The following GRM7 variants were observed in gnomAD, a reference collection of about 807,000 sequenced individuals.
GRM7 encodes glutamate metabotropic receptor 7.
Under a neutral mutation model 84.5 loss-of-function variants are expected in GRM7, and 35 were observed. The ratio of observed to expected loss-of-function variants is 0.41; its 90% confidence interval spans 0.32 to 0.55. GRM7 has a LOEUF of 0.55. Ranked by LOEUF, GRM7 falls within the 20% of genes least tolerant of loss-of-function variation. GRM7 has a pLI of 0.19. For missense variants in GRM7, 1,003 were observed against 1,194.6 expected, an observed-to-expected ratio of 0.84 and a Z score of 2.36; for synonymous variants, 487 against 455.1, an observed-to-expected ratio of 1.07 and a Z score of -0.89.
At chr3:7,512,450 G>A (rs1216119078) in intron 7 of GRM7, among the ~76,000 whole-genome samples, 1 of 152,198 alleles carries the variant, frequency 6.6e-6, no homozygotes, top group Non-Finnish European at 1.5e-5. Flanking sequence ...TGGGTAAAGA[G>A]AATGAGCCCC....
intron 4 of GRM7, among the ~76,000 whole-genome samples, chr3:7,414,028 AACTT>A: frequency 6.6e-6 from 1 of 152,240 alleles, no homozygotes; most frequent in East Asian, 1.9e-4. Flanking sequence ...CTTCATTTTT[AACTT>A]TAGAGTATGG....
chr3:7,133,108 T>C (rs571465736), intron 1 of GRM7, among the ~76,000 whole-genome samples: 156 of 152,284 alleles, frequency 1.0e-3, no homozygotes, highest in African/African-American at 3.6e-3. Context: ...TGTGTTGTCA[T>C]TGTGCATTCT....
intron 7 of GRM7, among the ~76,000 whole-genome samples, chr3:7,488,520 T>C (rs919599529): frequency 1.5e-4 from 23 of 152,194 alleles, no homozygotes; most frequent in African/African-American, 5.3e-4. Flanking sequence ...ACTGAATTCA[T>C]TTCTGCAGAG....
chr3:7,381,939 G>A (rs897228009), intron 4 of GRM7, among the ~76,000 whole-genome samples: 3 of 152,060 alleles, frequency 2.0e-5, no homozygotes, highest in Middle Eastern at 3.2e-3. Flanking sequence ...TTTTATGTGT[G>A]TGCATTTATT....
At chr3:7,100,136 A>G (rs958344242) in intron 1 of GRM7, among the ~76,000 whole-genome samples, 11 of 151,440 alleles carry the variant, frequency 7.3e-5, no homozygotes, top group Admixed American at 1.3e-4. Context: ...TGAAAGTGCA[A>G]TAGAAAAATG....
At chr3:7,697,633 G>T (rs1451617870) in intron 9 of GRM7, among the ~76,000 whole-genome samples, 1 of 152,156 alleles carries the variant, frequency 6.6e-6, no homozygotes, top group Admixed American at 6.5e-5. Flanking sequence ...GCAGTGAGTC[G>T]CCACTTGTCA....
At chr3:6,897,566 T>A (rs1696230055) in intron 1 of GRM7, among the ~76,000 whole-genome samples, 1 of 152,154 alleles carries the variant, frequency 6.6e-6, no homozygotes, top group African/African-American at 2.4e-5. Flanking sequence ...ATAATTACAT[T>A]AGATTAGTGC....
chr3:7,361,808 C>T (rs1226293489), intron 4 of GRM7, among the ~76,000 whole-genome samples: 2 of 152,110 alleles, frequency 1.3e-5, no homozygotes, highest in Admixed American at 1.3e-4. Context: ...GCTGCTGATG[C>T]ATTCCTGGCC....
At chr3:7,305,330 C>CTTTTT (rs796779715) in intron 3 of GRM7, among the ~76,000 whole-genome samples, 1 of 86,926 alleles carries the variant, frequency 1.2e-5, no homozygotes, top group African/African-American at 4.2e-5. Flanking sequence ...TATGCTGCTG[C>CTTTTT]TTTTTTTTTT....
chr3:7,372,354 T>A lies in GRM7; in HGVS notation c.1034-42669T>A, dbSNP rs528370813. ...AGTATCCATTTTGTGTCCTCAGTTG[T>A]GTACAATCTTATAACACTGAGCAAA... On this transcript the variant is annotated intron_variant, in intron 4 of 9. Transcript: ENST00000357716. Among the ~76,000 whole-genome samples the A allele has an allele frequency of 2.0e-5, 3 of 152,308 alleles. No individual in the cohort carries two copies. In the South Asian group the frequency reaches 6.2e-4, roughly 32 times the overall value.
At chr3:7,074,996 C>G (rs1698012805) in intron 1 of GRM7, among the ~76,000 whole-genome samples, 1 of 152,184 alleles carries the variant, frequency 6.6e-6, no homozygotes, top group Admixed American at 6.5e-5. Flanking sequence ...GTCTGAGGAA[C>G]AGTACTGAAG....
intron 2 of GRM7, among the ~76,000 whole-genome samples, chr3:7,261,543 A>G (rs1016304133): frequency 6.6e-6 from 1 of 152,106 alleles, no homozygotes; most frequent in African/African-American, 2.4e-5. Flanking sequence ...TTGCTTCCTT[A>G]TTCAGCTTGC....
intron 7 of GRM7, among the ~76,000 whole-genome samples, chr3:7,567,402 A>T (rs1390282372): frequency 6.6e-6 from 1 of 152,164 alleles, no homozygotes; most frequent in Admixed American, 6.5e-5. Context: ...CATAGAAAGT[A>T]AGATGTGTAT....
chr3:7,068,924 A>G (rs1697765321), intron 1 of GRM7, among the ~76,000 whole-genome samples: 1 of 151,796 alleles, frequency 6.6e-6, no homozygotes, highest in Admixed American at 6.6e-5. Context: ...TTATGTAACT[A>G]TTTCTTTACT....
At chr3:6,933,841 C>T (rs757240921) in intron 1 of GRM7, among the ~76,000 whole-genome samples, 4 of 151,818 alleles carry the variant, frequency 2.6e-5, no homozygotes, top group African/African-American at 9.7e-5. Flanking sequence ...AAAGAATAAA[C>T]CAGAATAGTA....
intron 1 of GRM7, among the ~76,000 whole-genome samples, chr3:7,101,850 T>C (rs1319106596): frequency 1.3e-5 from 2 of 149,182 alleles, no homozygotes; most frequent in South Asian, 2.1e-4. Context: ...TATGTATATA[T>C]ACACATTTTA....
At chr3:7,156,578 T>C (rs1381885424) in intron 2 of GRM7, among the ~76,000 whole-genome samples, 1 of 152,142 alleles carries the variant, frequency 6.6e-6, no homozygotes, top group African/African-American at 2.4e-5. Flanking sequence ...GGAGAACGCA[T>C]CCCCATATCT....
chr3:7,208,690 A>T (rs939812310), intron 2 of GRM7, among the ~76,000 whole-genome samples: 20 of 152,112 alleles, frequency 1.3e-4, no homozygotes, highest in Non-Finnish European at 1.5e-4. Flanking sequence ...GTGCTTACTG[A>T]TACATCTGAT....
At chr3:7,235,662 A>G (rs1470186080) in intron 2 of GRM7, among the ~76,000 whole-genome samples, 1 of 152,234 alleles carries the variant, frequency 6.6e-6, no homozygotes, top group Non-Finnish European at 1.5e-5. Flanking sequence ...CATTGCAGAA[A>G]AAATGCAAAT....
Sources: allele counts gnomAD v4.1 joint callset (sites outside exome capture counted in the v4.1 genomes callset), GRCh38; gene constraint gnomAD v4.1.1; transcripts MANE v1.5; gene names NCBI Gene and HGNC (gene_info 2026-07-23, HGNC 2026-07-21).